DCAF8L2: variants seen among roughly 807,000 people sequenced by gnomAD.
The protein encoded by DCAF8L2 is DDB1 and CUL4 associated factor 8 like 2, also known as DDB1- and CUL4-associated factor 8-like protein 2.
For synonymous variants in DCAF8L2, 200 were observed against 190.9 expected, an observed-to-expected ratio of 1.05 and a Z score of -0.39; for missense variants, 430 against 490.7, an observed-to-expected ratio of 0.88 and a Z score of 1.17.
chrX:27,642,911 A>G (rs962664047), intron 2 of DCAF8L2, among the ~76,000 whole-genome samples: 23 of 111,658 alleles, frequency 2.1e-4, no homozygotes, highest in Admixed American at 2.9e-4. Context: ...AAACCATGCC[A>G]TCATTTATTA....
chrX:27,628,654 A>T (rs1313737857), intron 1 of DCAF8L2, among the ~76,000 whole-genome samples: 4 of 102,023 alleles, frequency 3.9e-5, no homozygotes, highest in Admixed American at 1.1e-4. Context: ...CCCAGGCTGG[A>T]GTGCAGTGGC....
chrX:27,680,057 A>G (rs1930271011), intron 3 of DCAF8L2, among the ~76,000 whole-genome samples: 1 of 111,783 alleles, frequency 8.9e-6, no homozygotes, highest in Admixed American at 9.5e-5. Flanking sequence ...GGTAGTAAAA[A>G]AACTATCTCT....
At chrX:27,509,396 A>C in the DCAF8L2 span, among the ~76,000 whole-genome samples, 1 of 110,854 alleles carries the variant, frequency 9.0e-6, no homozygotes, top group Admixed American at 9.7e-5. Context: ...CTGTTTAAAA[A>C]CCTCTTTCAA....
At chrX:27,622,716 C>T (rs1927835738) in intron 1 of DCAF8L2, among the ~76,000 whole-genome samples, 1 of 111,016 alleles carries the variant, frequency 9.0e-6, no homozygotes, top group Non-Finnish European at 1.9e-5. Flanking sequence ...ATGATATGTA[C>T]TGAGGAAATA....
At chrX:27,667,722 T>C (rs1569176820) in intron 2 of DCAF8L2, among the ~76,000 whole-genome samples, 1 of 112,311 alleles carries the variant, frequency 8.9e-6, no homozygotes, top group African/African-American at 3.2e-5. Flanking sequence ...TCAGGATACT[T>C]AAAAATAGAA....
chrX:27,648,505 T>TAC (rs1929026901), intron 2 of DCAF8L2, among the ~76,000 whole-genome samples: 1 of 82,777 alleles, frequency 1.2e-5, no homozygotes, highest in Non-Finnish European at 2.2e-5. Flanking sequence ...TAAGCAAACA[T>TAC]ATATATATAT....
chrX:27,599,822 T>C, intron 1 of DCAF8L2, among the ~76,000 whole-genome samples: 2 of 111,959 alleles, frequency 1.8e-5, no homozygotes, highest in Admixed American at 1.9e-4. Flanking sequence ...TTCATTATTA[T>C]ACAAATTGCT....
chrX:27,602,480 T>C (rs1457140715), intron 1 of DCAF8L2, among the ~76,000 whole-genome samples: 1 of 112,019 alleles, frequency 8.9e-6, no homozygotes, highest in African/African-American at 3.2e-5. Context: ...CTAAGTCTCA[T>C]AGAAATTTCT....
chrX:27,558,796 T>A, the DCAF8L2 span, among the ~76,000 whole-genome samples: 1 of 93,863 alleles, frequency 1.1e-5, no homozygotes, highest in East Asian at 4.0e-4. Flanking sequence ...AGTGTGATGT[T>A]CCCCTTCCTG....
chrX:27,545,373 A>G, the DCAF8L2 span, among the ~76,000 whole-genome samples: 1 of 112,326 alleles, frequency 8.9e-6, no homozygotes, highest in African/African-American at 3.2e-5. Flanking sequence ...AATCTCGACA[A>G]CAAAAGAATA....
chrX:27,574,884 G>A, the DCAF8L2 span, among the ~76,000 whole-genome samples: 1 of 111,366 alleles, frequency 9.0e-6, no homozygotes, highest in Non-Finnish European at 1.9e-5. Context: ...AGCCCCAATG[G>A]GTATGTGTTA....
chrX:27,548,404 A>T, the DCAF8L2 span, among the ~76,000 whole-genome samples: 7 of 111,711 alleles, frequency 6.3e-5, no homozygotes, highest in African/African-American at 2.3e-4. Flanking sequence ...GTGTGGAGGC[A>T]TTAAGGATTT....
At chrX:27,699,390 T>A (rs1931044618) in intron 3 of DCAF8L2, among the ~76,000 whole-genome samples, 1 of 111,917 alleles carries the variant, frequency 8.9e-6, no homozygotes, top group Non-Finnish European at 1.9e-5. Flanking sequence ...GAGGGAAAAG[T>A]AAGAGATGAC....
the DCAF8L2 span, among the ~76,000 whole-genome samples, chrX:27,576,083 C>G: frequency 8.9e-6 from 1 of 112,443 alleles, no homozygotes; most frequent in Non-Finnish European, 1.9e-5. Flanking sequence ...CCTAATACAT[C>G]TTCATTAATA....
chrX:27,532,555 G>C, the DCAF8L2 span, among the ~76,000 whole-genome samples: 2 of 110,464 alleles, frequency 1.8e-5, no homozygotes, highest in Non-Finnish European at 3.8e-5. Context: ...CTATTTGGCA[G>C]CTATCATAGC....
chrX:27,747,278 AGGAAGAGGAGGAG>A lies in DCAF8L2; in HGVS notation c.385_397del (p.Glu129ArgfsTer33), dbSNP rs1922242238. The stretch of plus-strand genomic sequence containing the variant: ...ATACAAGAGGAGGGAGGGGAGGAGG[AGGAAGAGGAGGAG>A]GAGGAGGAGGAGGAGGAGGAGGAGG... On this transcript the variant is annotated frameshift_variant, in exon 5 of 5. Transcript: ENST00000451261. LOFTEE classifies it low-confidence loss of function (END_TRUNC). The A allele has an allele frequency of 2.0e-6, 2 of 983,805 alleles. No homozygotes were observed. The highest frequency in any genetic ancestry group is 3.0e-5 in the Admixed American group (1 of 32,961). 81.1% of individuals were successfully genotyped at this position (983,805 alleles called of 1,213,427 possible). A position where few individuals can be genotyped will look rare whatever the true frequency, so the allele number is the denominator to read the frequency against.
At chrX:27,558,889 T>G in the DCAF8L2 span, among the ~76,000 whole-genome samples, 11 of 109,515 alleles carry the variant, frequency 1.0e-4, no homozygotes, top group Non-Finnish European at 1.9e-4. Flanking sequence ...AGATTCTGGA[T>G]CATAAAATAT....
chrX:27,743,237 G>A (rs1178973756), intron 4 of DCAF8L2, among the ~76,000 whole-genome samples: 2 of 108,714 alleles, frequency 1.8e-5, no homozygotes. Flanking sequence ...CAAGGCACAT[G>A]CTATCACACC....
chrX:27,617,577 T>C (rs1927539557), intron 1 of DCAF8L2, among the ~76,000 whole-genome samples: 1 of 111,285 alleles, frequency 9.0e-6, no homozygotes, highest in Non-Finnish European at 1.9e-5. Flanking sequence ...TGAAAACATG[T>C]TGAAAAAGAA....
Sources: allele counts gnomAD v4.1 joint callset (sites outside exome capture counted in the v4.1 genomes callset), GRCh38; gene constraint gnomAD v4.1.1; transcripts MANE v1.5; gene names NCBI Gene and HGNC (gene_info 2026-07-23, HGNC 2026-07-21).